Variants in TAFA2 observed in about 807,000 individuals in gnomAD.
The protein encoded by TAFA2 is chemokine-like protein TAFA-2.
In TAFA2, 7 loss-of-function variants were observed where a neutral mutation model predicts 18.8. The observed-to-expected ratio is 0.37, with a 90% CI of 0.21 to 0.70. The LOEUF is 0.70. Ranked by LOEUF, TAFA2 falls within the 30% of genes least tolerant of loss-of-function variation. TAFA2 has a pLI of 0.53. For missense variants in TAFA2, 122 were observed against 158.1 expected (o/e 0.77, Z 1.23); for synonymous variants, 60 against 54.2 (o/e 1.11, Z -0.47).
At chr12:61,951,862 C>T (rs928593194) in intron 1 of TAFA2, among the ~76,000 whole-genome samples, 3 of 149,718 alleles carry the variant, frequency 2.0e-5, no homozygotes, top group Non-Finnish European at 4.4e-5. Flanking sequence ...TTAGTCTGAG[C>T]TGTCTGTAAG....
At chr12:62,201,471 C>T (rs967096484) in intron 1 of TAFA2, among the ~76,000 whole-genome samples, 6 of 152,138 alleles carry the variant, frequency 3.9e-5, no homozygotes, top group African/African-American at 1.2e-4. Context: ...CAGCAAAAGC[C>T]TTTTCCTATG....
At chr12:62,098,405 G>T (rs75387848) in intron 1 of TAFA2, among the ~76,000 whole-genome samples, 8,244 of 152,170 alleles carry the variant, frequency 0.054, 337 homozygotes, top group Non-Finnish European at 0.083. Context: ...CTAGGTTTTC[G>T]CTGGAATTCC....
chr12:61,725,798 C>A (rs917227198), intron 4 of TAFA2, among the ~76,000 whole-genome samples: 4 of 151,980 alleles, frequency 2.6e-5, no homozygotes, highest in Admixed American at 6.6e-5. Flanking sequence ...GGCCATTATT[C>A]TAAGTGAAGT....
chr12:62,209,470 A>T (rs1025372808), intron 1 of TAFA2, among the ~76,000 whole-genome samples: 1 of 152,202 alleles, frequency 6.6e-6, no homozygotes, highest in Non-Finnish European at 1.5e-5. Flanking sequence ...TAAATTACCC[A>T]GTCTCAGGTA....
At chr12:62,145,889 G>A (rs2062277418) in intron 1 of TAFA2, among the ~76,000 whole-genome samples, 1 of 152,206 alleles carries the variant, frequency 6.6e-6, no homozygotes, top group Admixed American at 6.5e-5. Flanking sequence ...ACAGCCTTTT[G>A]CTGTTGGCGA....
intron 1 of TAFA2, chr12:62,253,309 T>C (rs552988644): frequency 7.2e-5 from 11 of 152,214 alleles, no homozygotes; most frequent in Non-Finnish European, 1.5e-4. Context: ...CCGAGTCCCA[T>C]AGGTCCATCC....
intron 1 of TAFA2, among the ~76,000 whole-genome samples, chr12:62,198,040 G>A (rs2062655978): frequency 6.6e-6 from 1 of 152,182 alleles, no homozygotes; most frequent in African/African-American, 2.4e-5. Context: ...TAAAGTGTCT[G>A]TGCCATTTTG....
chr12:61,724,797 G>GTATACACCAGATGGGTGTATA (rs1192585681), intron 4 of TAFA2, among the ~76,000 whole-genome samples: 68 of 114,110 alleles, frequency 6.0e-4, no homozygotes, highest in African/African-American at 1.8e-3. Flanking sequence ...GTGTGTGTGT[G>GTATACACCAGATGGGTGTATA]TGTGTATACA....
At chr12:61,773,432 C>T (rs1256432494) in intron 2 of TAFA2, among the ~76,000 whole-genome samples, 1 of 151,858 alleles carries the variant, frequency 6.6e-6, no homozygotes, top group Admixed American at 6.6e-5. Context: ...AATCTGGAGC[C>T]ATCATATTAT....
At chr12:62,168,785 T>G (rs531150622) in intron 1 of TAFA2, among the ~76,000 whole-genome samples, 1 of 152,186 alleles carries the variant, frequency 6.6e-6, no homozygotes, top group Admixed American at 6.5e-5. Flanking sequence ...TGCAGTGAGT[T>G]ATGATTGCAC....
intron 1 of TAFA2, among the ~76,000 whole-genome samples, chr12:62,183,107 T>C (rs946420825): frequency 6.6e-6 from 1 of 152,232 alleles, no homozygotes; most frequent in Non-Finnish European, 1.5e-5. Flanking sequence ...ATGGTATTTG[T>C]AGGTGGGACC....
At chr12:61,775,174 G>A (rs941033215) in intron 2 of TAFA2, among the ~76,000 whole-genome samples, 1 of 151,794 alleles carries the variant, frequency 6.6e-6, no homozygotes, top group African/African-American at 2.4e-5. Flanking sequence ...GCAAGGATGT[G>A]GAGCAACAAG....
At chr12:62,056,990 G>C (rs934200827) in intron 1 of TAFA2, among the ~76,000 whole-genome samples, 1 of 152,204 alleles carries the variant, frequency 6.6e-6, no homozygotes, top group African/African-American at 2.4e-5. Context: ...CCTTTTCTAA[G>C]TTTGGTGTCA....
At chr12:61,751,716 T>G (rs1416400313) in intron 4 of TAFA2, among the ~76,000 whole-genome samples, 1 of 152,042 alleles carries the variant, frequency 6.6e-6, no homozygotes, top group East Asian at 1.9e-4. Context: ...GATGTAGATG[T>G]GATTTTCCCT....
At chr12:61,832,770 A>G (rs889987016) in intron 2 of TAFA2, among the ~76,000 whole-genome samples, 5 of 151,882 alleles carry the variant, frequency 3.3e-5, no homozygotes, top group Admixed American at 1.3e-4. Flanking sequence ...TCTTCCTATC[A>G]TAATCTTTTT....
chr12:61,857,327 A>G (rs1873925152), intron 2 of TAFA2, among the ~76,000 whole-genome samples: 1 of 152,204 alleles, frequency 6.6e-6, no homozygotes, highest in Non-Finnish European at 1.5e-5. Flanking sequence ...TAAAATATAA[A>G]TAAGACACTA....
intron 1 of TAFA2, among the ~76,000 whole-genome samples, chr12:61,982,641 C>T (rs534683125): frequency 6.6e-6 from 1 of 152,000 alleles, no homozygotes; most frequent in South Asian, 2.1e-4. Flanking sequence ...TTCCTCAGTC[C>T]CCTCAGTATG....
chr12:61,891,551 G>A (rs1222352454), intron 1 of TAFA2, among the ~76,000 whole-genome samples: 2 of 152,112 alleles, frequency 1.3e-5, no homozygotes, highest in Non-Finnish European at 2.9e-5. Flanking sequence ...GGGAGGCTGA[G>A]GCAGGAGAAT....
At chr12:61,892,204 A>G (rs1875665926) in intron 1 of TAFA2, among the ~76,000 whole-genome samples, 1 of 152,078 alleles carries the variant, frequency 6.6e-6, no homozygotes. Flanking sequence ...TCAAGGACAT[A>G]GTCAAGATAT....
Sources: allele counts gnomAD v4.1 joint callset (sites outside exome capture counted in the v4.1 genomes callset), GRCh38; gene constraint gnomAD v4.1.1; transcripts MANE v1.5; gene names NCBI Gene and HGNC (gene_info 2026-07-23, HGNC 2026-07-21).